The following DLGAP2 variants were observed in gnomAD, a reference collection of about 807,000 sequenced individuals.
DLGAP2 encodes the protein disks large-associated protein 2.
In DLGAP2, 26 loss-of-function variants were observed where a neutral mutation model predicts 100.3. That is an observed-to-expected ratio of 0.26 (90% CI 0.19 to 0.36). The LOEUF is 0.36. Among genes scored for constraint, DLGAP2 ranks in the 10% least tolerant of loss-of-function variants. DLGAP2 has a pLI of 1.00. For missense variants in DLGAP2, 1,858 were observed against 1,453.2 expected (o/e 1.28, Z -4.53); for synonymous variants, 886 against 630.1 (o/e 1.41, Z -6.08).
intron 3 of DLGAP2, among the ~76,000 whole-genome samples, chr8:1,322,938 C>G (rs1471412988): frequency 6.6e-6 from 1 of 152,120 alleles, no homozygotes; most frequent in Admixed American, 6.5e-5. Context: ...ATTATTAACT[C>G]CTTGTAAGTT....
chr8:1,473,221 G>C (rs537721850), intron 3 of DLGAP2, among the ~76,000 whole-genome samples: 1 of 152,172 alleles, frequency 6.6e-6, no homozygotes, highest in East Asian at 1.9e-4. Flanking sequence ...GTGAGCCACC[G>C]TGCCCAGCCC....
At chr8:1,223,485 G>T (rs1462318041) in intron 2 of DLGAP2, among the ~76,000 whole-genome samples, 4 of 152,206 alleles carry the variant, frequency 2.6e-5, no homozygotes, top group Non-Finnish European at 1.5e-5. Flanking sequence ...TCTACAAGAT[G>T]ACTAAAAGTT....
intron 4 of DLGAP2, among the ~76,000 whole-genome samples, chr8:1,522,484 C>A (rs569619544): frequency 6.6e-6 from 1 of 152,208 alleles, no homozygotes; most frequent in Non-Finnish European, 1.5e-5. Context: ...CAGAGCCTCA[C>A]GCACGGGTGC....
At chr8:1,515,763 AACATACAAC>A (rs1800350709) in intron 4 of DLGAP2, among the ~76,000 whole-genome samples, 1 of 87,934 alleles carries the variant, frequency 1.1e-5, no homozygotes, top group Non-Finnish European at 2.6e-5. Context: ...CACATGCACA[AACATACAAC>A]ACATACAACA....
intron 3 of DLGAP2, among the ~76,000 whole-genome samples, chr8:1,366,107 G>A (rs1049994236): frequency 2.0e-5 from 3 of 152,242 alleles, no homozygotes; most frequent in African/African-American, 2.4e-5. Context: ...CAGACACTGT[G>A]CTGGGGATTC....
At chr8:1,466,075 G>T (rs1377090877) in intron 3 of DLGAP2, among the ~76,000 whole-genome samples, 1 of 152,158 alleles carries the variant, frequency 6.6e-6, no homozygotes. Context: ...CCGTCTGCTT[G>T]TGCTGTCTGA....
intron 2 of DLGAP2, among the ~76,000 whole-genome samples, chr8:1,181,211 T>C (rs1431983050): frequency 2.0e-4 from 29 of 145,896 alleles, no homozygotes; most frequent in African/African-American, 7.1e-4. Flanking sequence ...GTACACTTAC[T>C]GTCGAGTGTG....
At chr8:1,241,433 G>A (rs1798794719) in intron 2 of DLGAP2, among the ~76,000 whole-genome samples, 1 of 152,224 alleles carries the variant, frequency 6.6e-6, no homozygotes, top group Non-Finnish European at 1.5e-5. Flanking sequence ...ATAGTGCTGT[G>A]TCTGGAGCTC....
intron 1 of DLGAP2, among the ~76,000 whole-genome samples, chr8:888,318 G>A (rs1292316338): frequency 1.3e-5 from 2 of 152,132 alleles, no homozygotes; most frequent in Non-Finnish European, 1.5e-5. Context: ...TTTGCACTGG[G>A]TTAGAACATG....
chr8:1,632,021 C>T (rs1006186455), intron 7 of DLGAP2, among the ~76,000 whole-genome samples: 1 of 151,368 alleles, frequency 6.6e-6, no homozygotes, highest in Non-Finnish European at 1.5e-5. Flanking sequence ...TTTGAGCTGT[C>T]ACACATCCCC....
At chr8:988,800 C>T (rs12546110) in intron 2 of DLGAP2, among the ~76,000 whole-genome samples, 570 of 152,238 alleles carry the variant, frequency 3.7e-3, no homozygotes, top group Middle Eastern at 6.8e-3. Flanking sequence ...GCATGGCTCT[C>T]CTGACCAATC....
intron 1 of DLGAP2, among the ~76,000 whole-genome samples, chr8:828,864 C>T (rs1051735472): frequency 6.6e-6 from 1 of 152,154 alleles, no homozygotes; most frequent in African/African-American, 2.4e-5. Flanking sequence ...GTTTGGGGTC[C>T]CTGACTTCCC....
intron 3 of DLGAP2, among the ~76,000 whole-genome samples, chr8:1,311,488 C>G (rs1024285446): frequency 6.6e-6 from 1 of 152,174 alleles, no homozygotes; most frequent in Non-Finnish European, 1.5e-5. Flanking sequence ...GAGAAAATCA[C>G]AAACCATATC....
At position 1,077,786 on chromosome 8, in the gene DLGAP2, C is replaced by G. The variant is rs537464267; in HGVS notation, c.73+169820C>G. Among the ~76,000 whole-genome samples the G allele has an allele frequency of 5.3e-4, 80 of 152,290 alleles. 1 individual carries two copies. The highest frequency in any genetic ancestry group is 1.9e-3 in the African/African-American group (77 of 41,568). ...AAAAATCTTGGCATAGTTTATCAAA[C>G]TCCCCTTTTCCACAAGAAGATGCTA... is the stretch of plus-strand genomic sequence containing the variant. On this transcript the variant is annotated intron_variant, in intron 2 of 14. Transcript: ENST00000637795.
At chr8:1,238,578 G>A (rs567922497) in intron 2 of DLGAP2, among the ~76,000 whole-genome samples, 10 of 68,256 alleles carry the variant, frequency 1.5e-4, no homozygotes, top group East Asian at 8.6e-4. Flanking sequence ...CCATGGCGCC[G>A]TGTCTAGTTA....
chr8:1,614,917 G>C (rs1297771288), intron 6 of DLGAP2, among the ~76,000 whole-genome samples: 1 of 152,238 alleles, frequency 6.6e-6, no homozygotes, highest in African/African-American at 2.4e-5. Context: ...AGGAAGTAGA[G>C]ACTATTCACA....
chr8:1,258,662 C>T (rs921671879), intron 2 of DLGAP2, among the ~76,000 whole-genome samples, 189 bp from the exon 3 acceptor site: 2 of 152,108 alleles, frequency 1.3e-5, no homozygotes, highest in Non-Finnish European at 2.9e-5. Flanking sequence ...CCAAGGGTAG[C>T]TTTTGAAGTA....
chr8:1,271,865 A>C (rs1159507598), intron 3 of DLGAP2, among the ~76,000 whole-genome samples: 1 of 152,224 alleles, frequency 6.6e-6, no homozygotes, highest in Non-Finnish European at 1.5e-5. Flanking sequence ...CCCAGGCTGG[A>C]GTTCAGTGGT....
chr8:1,513,760 A>G (rs946585357), intron 4 of DLGAP2, among the ~76,000 whole-genome samples: 1 of 152,192 alleles, frequency 6.6e-6, no homozygotes, highest in Non-Finnish European at 1.5e-5. Context: ...TACAAAAATA[A>G]TACAGAGAAA....
Sources: gnomAD v4.1 joint callset for allele counts (sites outside exome capture counted in the v4.1 genomes callset) on GRCh38, gnomAD v4.1.1 for gene constraint, MANE v1.5 for transcripts, NCBI Gene and HGNC (gene_info 2026-07-23, HGNC 2026-07-21) for gene names.